Variants in SLC44A1 observed in about 807,000 individuals in gnomAD.
The protein encoded by SLC44A1 is solute carrier family 44 member 1.
Under a neutral mutation model 79.3 loss-of-function variants are expected in SLC44A1, and 26 were observed. That is an observed-to-expected ratio of 0.33 (90% CI 0.24 to 0.46). The LOEUF is 0.46. Ranked by LOEUF, SLC44A1 falls within the 20% of genes least tolerant of loss-of-function variation. The probability of loss-of-function intolerance (pLI) is 1.00; values close to 1 mark genes in which losing one functional copy is unlikely to be tolerated. For missense variants in SLC44A1, 688 were observed against 798.1 expected, an observed-to-expected ratio of 0.86 and a Z score of 1.66; for synonymous variants, 263 against 286.2, an observed-to-expected ratio of 0.92 and a Z score of 0.82.
intron 3 of SLC44A1, among the ~76,000 whole-genome samples, chr9:105,316,445 C>T (rs1831328202): frequency 6.6e-6 from 1 of 152,114 alleles, no homozygotes; most frequent in Non-Finnish European, 1.5e-5. Flanking sequence ...TAAAAATATA[C>T]ATGTACATAG....
At chr9:105,382,646 TTTATA>T (rs1828502410) in intron 13 of SLC44A1, among the ~76,000 whole-genome samples, 1 of 152,228 alleles carries the variant, frequency 6.6e-6, no homozygotes, top group African/African-American at 2.4e-5. Context: ...ATATGAAGCA[TTTATA>T]ATGATACTTC....
intron 15 of SLC44A1, among the ~76,000 whole-genome samples, chr9:105,409,372 C>T (rs1829067854): frequency 6.6e-6 from 1 of 152,178 alleles, no homozygotes; most frequent in Admixed American, 6.5e-5. Flanking sequence ...AACAATGCAT[C>T]AATAACATAT....
Position 105,406,517 on chromosome 9 carries a change from G to T in SLC44A1, c.1950+21015G>T, listed in dbSNP as rs1829031224. ...ATACCTTGGGAGGCTGAGGCAGGAGGATTGCTTGAGGCCAGGAGTTCAAGA... is the reference window on the plus strand; with the variant it reads ...ATACCTTGGGAGGCTGAGGCAGGAGTATTGCTTGAGGCCAGGAGTTCAAGA... On this transcript the variant is annotated intron_variant, in intron 15 of 15. Transcript: ENST00000374724. 2.0e-5 allele frequency among the ~76,000 whole-genome samples: 3 copies of T among 152,280 alleles called. No homozygotes were observed. The South Asian group carries it at 6.2e-4, about 32-fold the overall frequency.
At chr9:105,379,782 A>G (rs981713235) in intron 13 of SLC44A1, among the ~76,000 whole-genome samples, 6 of 152,154 alleles carry the variant, frequency 3.9e-5, no homozygotes, top group Non-Finnish European at 8.8e-5. Context: ...AAGTATTGAT[A>G]TTTGTCCTAA....
downstream of SLC44A1, among the ~76,000 whole-genome samples, chr9:105,398,163 C>A (rs1053164836): frequency 1.3e-5 from 2 of 152,086 alleles, no homozygotes; most frequent in Admixed American, 6.5e-5. Context: ...TTTTTAAAAA[C>A]CAATAATTTT....
rs1829381395 is a variant in SLC44A1 at position 105,244,742 on chromosome 9, C to T, written c.-127C>T. 1.9e-5 allele frequency: 7 copies of T among 369,752 alleles called. No homozygotes were observed. The East Asian group carries it at 3.8e-4, about 20-fold the overall frequency. 22.9% of individuals were successfully genotyped at this position (369,752 alleles called of 1,614,324 possible). ...CTTGAGTACCAGCCGCCGCTGCAGC[C>T]GCCGCCGCCGCCTAGCCGTGCGGTG... On this transcript the variant is annotated 5_prime_UTR_variant, in exon 1 of 16. Transcript: ENST00000374720.
At chr9:105,314,543 T>A (rs964827373) in intron 3 of SLC44A1, among the ~76,000 whole-genome samples, 2 of 152,216 alleles carry the variant, frequency 1.3e-5, no homozygotes, top group African/African-American at 4.8e-5. Flanking sequence ...GTTTTAAACA[T>A]ATATTTTTGC....
In SLC44A1 at chr9:105,396,949, C is replaced by T. The variant is rs1828888926; in HGVS notation, c.*7893C>T. ...CATGTAGGTGCTTGAACATGCCCCA[C>T]AGACACAGTTGTAGCCCTAGTATTT... On this transcript the variant is annotated 3_prime_UTR_variant, in exon 16 of 16. Coordinates refer to ENST00000374720, the MANE Select transcript of SLC44A1 (RefSeq NM_080546.5). The T allele has an allele frequency of 1.0e-6, 1 of 985,122 alleles. No homozygotes were observed. Among genetic ancestry groups the T allele is most frequent in the African/African-American group, 1.7e-5 (1 of 57,212 alleles). 61.0% of individuals were successfully genotyped at this position (985,122 alleles called of 1,614,324 possible). A position where few individuals can be genotyped will look rare whatever the true frequency, so the allele number is the denominator to read the frequency against.
At chr9:105,275,638 G>T (rs1830180736) in intron 1 of SLC44A1, among the ~76,000 whole-genome samples, 1 of 152,058 alleles carries the variant, frequency 6.6e-6, no homozygotes, top group African/African-American at 2.4e-5. Flanking sequence ...TTGAGGATTG[G>T]TCAGCTTATG....
intron 1 of SLC44A1, among the ~76,000 whole-genome samples, chr9:105,297,035 A>G (rs1830742201): frequency 6.6e-6 from 1 of 152,174 alleles, no homozygotes; most frequent in Admixed American, 6.5e-5. Flanking sequence ...ACAATGCTAC[A>G]TTCCTCTGGG....
intron 1 of SLC44A1, among the ~76,000 whole-genome samples, chr9:105,285,419 T>G (rs980604491): frequency 1.3e-5 from 2 of 152,368 alleles, no homozygotes; most frequent in Non-Finnish European, 2.9e-5. Flanking sequence ...GGTTATGACC[T>G]ATAATTTTCC....
Position 105,392,267 on chromosome 9 carries a change from A to G in SLC44A1, c.*3211A>G, listed in dbSNP as rs548847284. On this transcript the variant is annotated 3_prime_UTR_variant, in exon 16 of 16. Transcript: ENST00000374720. ...TAAGATAATTAAGTCCTAAGTCACT[A>G]CAACTTAAGTAGCTTAACTGTATGT... is the stretch of plus-strand genomic sequence containing the variant. 3 of 983,726 alleles carry G rather than the reference A, an allele frequency of 3.0e-6. No individual in the cohort carries two copies. The highest frequency in any genetic ancestry group is 1.1e-4 in the East Asian group (1 of 8,812). 60.9% of individuals were successfully genotyped at this position (983,726 alleles called of 1,614,324 possible). A position where few individuals can be genotyped will look rare whatever the true frequency, so the allele number is the denominator to read the frequency against.
intron 2 of SLC44A1, among the ~76,000 whole-genome samples, chr9:105,308,947 T>C (rs1831104965): frequency 6.6e-6 from 1 of 152,208 alleles, no homozygotes. Flanking sequence ...TTAGCAAGCA[T>C]GATGTGCTTC....
rs534892475 is a variant in SLC44A1 at position 105,391,672 on chromosome 9, ATTCAT to A, written c.*2621_*2625del. On this transcript the variant is annotated 3_prime_UTR_variant, in exon 16 of 16. Transcript: ENST00000374720. ...TTGGATATTCCTGCTGCCTCTTTTCATTCATTTCAAGTCATTCTTCAGCTAGCTAT... is the reference window on the plus strand; with the variant it reads ...TTGGATATTCCTGCTGCCTCTTTTCATTCAAGTCATTCTTCAGCTAGCTAT... The A allele has an allele frequency of 2.3e-3, 2,272 of 985,348 alleles. No homozygotes were observed. Among genetic ancestry groups the A allele is most frequent in the Non-Finnish European group, 2.6e-3 (2,182 of 829,900 alleles). 61.0% of individuals were successfully genotyped at this position (985,348 alleles called of 1,614,324 possible). A position where few individuals can be genotyped will look rare whatever the true frequency, so the allele number is the denominator to read the frequency against.
chr9:105,334,404 G>A lies in SLC44A1; in HGVS notation c.270-1159G>A, dbSNP rs191890981. Among the ~76,000 whole-genome samples the A allele has an allele frequency of 4.5e-3, 676 of 151,074 alleles. 9 individuals carry two copies. Among genetic ancestry groups the A allele is most frequent in the African/African-American group, 0.015 (637 of 41,098 alleles). ...TTTTTCCTTTATAGTTTCCATTTTA[G>A]CATATGTATTGACTTTACCTTTTCT... On this transcript the variant is annotated intron_variant, in intron 3 of 15. Transcript: ENST00000374720.
At chr9:105,276,180 T>C (rs1369921500) in intron 1 of SLC44A1, among the ~76,000 whole-genome samples, 1 of 152,180 alleles carries the variant, frequency 6.6e-6, no homozygotes, top group Non-Finnish European at 1.5e-5. Context: ...CAAGTGTCCT[T>C]GATCTGAGGA....
intron 1 of SLC44A1, among the ~76,000 whole-genome samples, chr9:105,272,817 C>T (rs1398738118): frequency 6.6e-6 from 1 of 152,114 alleles, no homozygotes; most frequent in Non-Finnish European, 1.5e-5. Context: ...GTCTCCTCAT[C>T]TGCTAAGGGA....
chr9:105,387,060 A>AAAAAAAAAAAATATAT (rs34780893), intron 15 of SLC44A1, among the ~76,000 whole-genome samples: 3 of 7,730 alleles, frequency 3.9e-4, no homozygotes, highest in East Asian at 0.01. Flanking sequence ...AAAAAAAAAA[A>AAAAAAAAAAAATATAT]ATATATATAT....
At chr9:105,375,008 A>ATGTTTCTCTT (rs1341030356) in intron 13 of SLC44A1, among the ~76,000 whole-genome samples, 1 of 152,078 alleles carries the variant, frequency 6.6e-6, no homozygotes, top group Non-Finnish European at 1.5e-5. Flanking sequence ...TCATGTGCCT[A>ATGTTTCTCTT]TGTTTCTCTT....
Sources: gnomAD v4.1 joint callset for allele counts (sites outside exome capture counted in the v4.1 genomes callset) on GRCh38, gnomAD v4.1.1 for gene constraint, MANE v1.5 for transcripts, NCBI Gene and HGNC (gene_info 2026-07-23, HGNC 2026-07-21) for gene names.